Variants in SH3D19 observed in about 807,000 individuals in gnomAD.
The protein encoded by SH3D19 is SH3 domain containing 19.
In SH3D19, 58 loss-of-function variants were observed where a neutral mutation model predicts 112.1. That is an observed-to-expected ratio of 0.52 (90% CI 0.42 to 0.64). The LOEUF (loss-of-function observed/expected upper bound fraction) is 0.64, where lower values mean the gene tolerates loss of function less well. Ranked by LOEUF, SH3D19 falls within the 30% of genes least tolerant of loss-of-function variation. The probability of loss-of-function intolerance (pLI) is 0.00; values close to 1 mark genes in which losing one functional copy is unlikely to be tolerated. For synonymous variants in SH3D19, 391 were observed against 448.5 expected, an observed-to-expected ratio of 0.87 and a Z score of 1.62; for missense variants, 1,090 against 1,263.4, an observed-to-expected ratio of 0.86 and a Z score of 2.08.
Position 151,313,087 on chromosome 4 carries a change from C to CAA in SH3D19, c.112+12152_112+12153dup, listed in dbSNP as rs571941454. Among the ~76,000 whole-genome samples, 5 of 98,828 alleles carry CAA rather than the reference C, an allele frequency of 5.1e-5. No individual in the cohort carries two copies. The South Asian group carries it at 1.1e-3, about 21-fold the overall frequency. 64.8% of individuals were successfully genotyped at this position (98,828 alleles called of 152,430 possible). On this transcript the variant is annotated intron_variant, in intron 1 of 19. Transcript: ENST00000604030. ...CTGGGCAATGAGCGAGACTCTGTCTCAAAAAAAAAAAAAAAAATGCAGAGT... is the reference window on the plus strand; with the variant it reads ...CTGGGCAATGAGCGAGACTCTGTCTCAAAAAAAAAAAAAAAAAAATGCAGAGT...
intron 3 of SH3D19, among the ~76,000 whole-genome samples, chr4:151,180,060 G>A (rs1760601794): frequency 6.6e-6 from 1 of 151,890 alleles, no homozygotes; most frequent in African/African-American, 2.4e-5. Flanking sequence ...TTTTTTGTAT[G>A]TTTCGCAGAG....
At chr4:151,187,250 C>T (rs1285923188) in intron 3 of SH3D19, among the ~76,000 whole-genome samples, 173 bp downstream of exon 3, 1 of 152,066 alleles carries the variant, frequency 6.6e-6, no homozygotes, top group Non-Finnish European at 1.5e-5. Flanking sequence ...ACCGGCTTAT[C>T]AATAAATATA....
chr4:151,196,456 C>T (rs1763485097), intron 2 of SH3D19, among the ~76,000 whole-genome samples: 1 of 151,678 alleles, frequency 6.6e-6, no homozygotes, highest in South Asian at 2.1e-4. Flanking sequence ...ACATAAAACA[C>T]CAAGAAAAAG....
chr4:151,240,084 C>T (rs1030814382), intron 1 of SH3D19, among the ~76,000 whole-genome samples: 7 of 148,096 alleles, frequency 4.7e-5, no homozygotes, highest in Admixed American at 1.4e-4. Flanking sequence ...GGGCAACATA[C>T]GGAGATCCTA....
At chr4:151,322,431 T>TAAAAAA (rs57301959) in intron 1 of SH3D19, among the ~76,000 whole-genome samples, 1 of 38,426 alleles carries the variant, frequency 2.6e-5, no homozygotes, top group African/African-American at 8.2e-5. Flanking sequence ...AGACTCTGCC[T>TAAAAAA]AAAAAAAAAA....
chr4:151,275,091 G>GT (rs11302117), intron 1 of SH3D19, among the ~76,000 whole-genome samples: 50,775 of 145,970 alleles, frequency 0.35, 9,718 homozygotes, highest in Non-Finnish European at 0.46. Flanking sequence ...TTCAAGATAC[G>GT]TTTTTTTTTT....
intron 1 of SH3D19, among the ~76,000 whole-genome samples, chr4:151,237,446 T>G (rs1463485841): frequency 3.9e-5 from 6 of 152,264 alleles, no homozygotes; most frequent in Admixed American, 6.5e-5. Context: ...ACTACTGGGG[T>G]GTGCCTGCAG....
intron 2 of SH3D19, among the ~76,000 whole-genome samples, chr4:151,196,565 GT>G (rs55784080): frequency 7.6e-4 from 111 of 146,572 alleles, no homozygotes; most frequent in Middle Eastern, 3.5e-3. Context: ...TATAGTATTA[GT>G]TTTTTTTTTT....
chr4:151,139,448 G>C (rs1287657289), intron 13 of SH3D19, among the ~76,000 whole-genome samples: 1 of 152,130 alleles, frequency 6.6e-6, no homozygotes, highest in Non-Finnish European at 1.5e-5. Flanking sequence ...CACTGCGCCC[G>C]GCCTAGTACC....
Position 151,135,135 on chromosome 4 carries a change from A to G in SH3D19, c.2428-3T>C, listed in dbSNP as rs1198101655. The G allele has an allele frequency of 4.4e-6, 7 of 1,593,966 alleles. No individual in the cohort carries two copies. Among genetic ancestry groups the G allele is most frequent in the Non-Finnish European group, 6.0e-6 (7 of 1,171,400 alleles). ...TTTCCTCCTTCTGGGATATCAATCT[A>G]GCAAAGATAAAATCAAGGCAACAAT... On this transcript the variant is annotated splice_region_variant and splice_polypyrimidine_tract_variant and intron_variant, in intron 14 of 19. Coordinates refer to ENST00000604030, the MANE Select transcript of SH3D19 (RefSeq NM_001378122.1).
In SH3D19 at chr4:151,156,725, G is replaced by A. The variant is rs569550943; in HGVS notation, c.1755+2515C>T. ...CAATAAAACTACTAGAAGAAAGCAG[G>A]GAAAAGACCTCAGGACATTGGTCTT... On this transcript the variant is annotated intron_variant, in intron 9 of 19. Coordinates refer to ENST00000604030, the MANE Select transcript of SH3D19 (RefSeq NM_001378122.1). Among the ~76,000 whole-genome samples the A allele has an allele frequency of 3.3e-5, 5 of 152,096 alleles. No individual in the cohort carries two copies. The South Asian group carries it at 1.0e-3, about 32-fold the overall frequency.
intron 1 of SH3D19, among the ~76,000 whole-genome samples, chr4:151,228,833 A>G (rs1365310529): frequency 6.7e-6 from 1 of 149,830 alleles, no homozygotes; most frequent in Non-Finnish European, 1.5e-5. Flanking sequence ...ACTCTTCAGC[A>G]CATTCTCTGA....
At chr4:151,228,677 G>A (rs1769335558) in intron 1 of SH3D19, among the ~76,000 whole-genome samples, 1 of 152,106 alleles carries the variant, frequency 6.6e-6, no homozygotes, top group Admixed American at 6.6e-5. Context: ...ATCACTGAGG[G>A]TGGATTCAGA....
In SH3D19 at chr4:151,312,907, A is replaced by T. The variant is rs572376517; in HGVS notation, c.112+12334T>A. On this transcript the variant is annotated intron_variant, in intron 1 of 19. Coordinates refer to ENST00000604030, the MANE Select transcript of SH3D19 (RefSeq NM_001378122.1). ...CAGAGCAAGACTCCATCTCAAAAAA[A>T]AAAAAAATAAATAAAATAAATAAAT... 1.7e-4 allele frequency among the ~76,000 whole-genome samples: 25 copies of T among 149,766 alleles called. 1 individual carries two copies. The highest frequency in any genetic ancestry group is 6.4e-4 in the South Asian group (3 of 4,722).
intron 1 of SH3D19, among the ~76,000 whole-genome samples, chr4:151,245,168 A>G (rs1770849027): frequency 1.5e-5 from 2 of 135,060 alleles, no homozygotes; most frequent in Admixed American, 1.5e-4. Context: ...AAATAAAATA[A>G]TAATAATAAT....
chr4:151,149,370 G>A, intron 10 of SH3D19, 130 bp downstream of exon 10: 1 of 666,598 alleles, frequency 1.5e-6, no homozygotes. Flanking sequence ...TTAGGGGCCT[G>A]CGTGAAATCG....
intron 1 of SH3D19, chr4:151,261,243 C>CGGTAT (rs1772357813): frequency 6.6e-6 from 1 of 152,208 alleles, no homozygotes; most frequent in Non-Finnish European, 1.5e-5. Flanking sequence ...AAGAAACCCA[C>CGGTAT]GGTATCTCTT....
At chr4:151,222,158 A>G (rs1442785194) in intron 2 of SH3D19, among the ~76,000 whole-genome samples, 2 of 152,206 alleles carry the variant, frequency 1.3e-5, no homozygotes, top group East Asian at 3.8e-4. Context: ...CATTTTGTGC[A>G]GAAATATATC....
At chr4:151,324,788 G>T (rs1451135973) in intron 1 of SH3D19, among the ~76,000 whole-genome samples, 1 of 142,452 alleles carries the variant, frequency 7.0e-6, no homozygotes, top group African/African-American at 2.5e-5. Flanking sequence ...GGGAGGGAGG[G>T]GGGTCACAGG....
Sources: gnomAD v4.1 joint callset for allele counts (sites outside exome capture counted in the v4.1 genomes callset) on GRCh38, gnomAD v4.1.1 for gene constraint, MANE v1.5 for transcripts, NCBI Gene and HGNC (gene_info 2026-07-23, HGNC 2026-07-21) for gene names.